DNAH5: variants seen among roughly 807,000 people sequenced by gnomAD.
The protein encoded by DNAH5 is axonemal beta dynein heavy chain 5.
A neutral mutation model predicts 518.2 loss-of-function variants in DNAH5; 372 were observed. The observed-to-expected ratio is 0.72, with a 90% CI of 0.66 to 0.78. The LOEUF (loss-of-function observed/expected upper bound fraction) is 0.78. Among genes scored for constraint, DNAH5 ranks in the 30% least tolerant of loss-of-function variants. DNAH5 has a pLI of 0.00. For missense variants in DNAH5, 5,523 were observed against 5,687.0 expected (o/e 0.97, Z 0.93); for synonymous variants, 2,039 against 2,025.9 (o/e 1.01, Z -0.17).
intron 24 of DNAH5, among the ~76,000 whole-genome samples, chr5:13,869,752 G>A (rs944566512): frequency 7.2e-5 from 11 of 151,874 alleles, no homozygotes; most frequent in Admixed American, 4.6e-4. Context: ...TTATACAATC[G>A]TTTTGTGTTT....
At chr5:13,994,853 G>A (rs1783821986) in intron 1 of DNAH5, among the ~76,000 whole-genome samples, 3 of 152,080 alleles carry the variant, frequency 2.0e-5, no homozygotes, top group East Asian at 3.9e-4. Context: ...CTAGCTGTTC[G>A]CCTGCTTAGG....
rs370235912 is a variant in DNAH5 at position 13,862,766 on chromosome 5, C to G, written c.4597-19G>C. ...AGATGTCCTATCAAAATGGCAAGCT[C>G]TCATGTTATTGCATGAAAGTCACAC... On this transcript the variant is annotated intron_variant, in intron 28 of 78. Coordinates refer to ENST00000265104, the MANE Select transcript of DNAH5 (RefSeq NM_001369.3). 31 of 1,603,098 alleles carry G rather than the reference C, an allele frequency of 1.9e-5. No homozygotes were observed. The highest frequency in any genetic ancestry group is 2.6e-5 in the Non-Finnish European group (31 of 1,172,338).
chr5:13,926,629 A>AT (rs1485222018), intron 3 of DNAH5, among the ~76,000 whole-genome samples: 2 of 152,176 alleles, frequency 1.3e-5, no homozygotes, highest in African/African-American at 2.4e-5. Context: ...TGACTATAGA[A>AT]TTTTTTGTAA....
intron 12 of DNAH5, among the ~76,000 whole-genome samples, chr5:13,902,870 C>G (rs1213760253): frequency 6.6e-6 from 1 of 152,152 alleles, no homozygotes; most frequent in Non-Finnish European, 1.5e-5. Flanking sequence ...TCAAGAAAAG[C>G]CACTCTACAG....
intron 1 of DNAH5, among the ~76,000 whole-genome samples, chr5:13,981,594 G>A (rs1180735536): frequency 6.6e-6 from 1 of 152,160 alleles, no homozygotes; most frequent in Non-Finnish European, 1.5e-5. Flanking sequence ...CATCTTCCAA[G>A]CAGTTGCTGT....
At chr5:13,907,981 G>C (rs1250019841) in intron 12 of DNAH5, among the ~76,000 whole-genome samples, 1 of 152,130 alleles carries the variant, frequency 6.6e-6, no homozygotes. Flanking sequence ...TGTTAGGTCA[G>C]AAGTAATATG....
At chr5:13,900,113 T>G (rs909542395) in intron 15 of DNAH5, 93 bp downstream of exon 15, 16 of 1,193,012 alleles carry the variant, frequency 1.3e-5, no homozygotes, top group Non-Finnish European at 2.4e-6. Context: ...TCCTGGCCAC[T>G]TTCTGCTCCT....
intron 1 of DNAH5, among the ~76,000 whole-genome samples, chr5:13,999,954 G>A (rs1163913655): frequency 6.6e-6 from 1 of 152,114 alleles, no homozygotes; most frequent in African/African-American, 2.4e-5. Flanking sequence ...AATTTATCAT[G>A]TGTTTTAAAG....
intron 3 of DNAH5, among the ~76,000 whole-genome samples, chr5:13,924,373 T>A (rs1777633927): frequency 6.6e-6 from 1 of 151,988 alleles, no homozygotes; most frequent in Admixed American, 6.6e-5. Flanking sequence ...CATATTCACA[T>A]CTTAAAAATG....
intron 1 of DNAH5, among the ~76,000 whole-genome samples, chr5:13,938,372 G>A (rs939232178): frequency 6.6e-6 from 1 of 152,074 alleles, no homozygotes; most frequent in African/African-American, 2.4e-5. Context: ...CACATGAAGG[G>A]TAGATACAGT....
At chr5:13,722,624 G>A (rs1374162993) in intron 70 of DNAH5, among the ~76,000 whole-genome samples, 1 of 152,192 alleles carries the variant, frequency 6.6e-6, no homozygotes, top group East Asian at 1.9e-4. Flanking sequence ...ATATAGCCAG[G>A]TAAAGAGTGT....
In DNAH5 at chr5:13,691,866, G is replaced by T; in HGVS notation, c.*118C>A. The T allele has an allele frequency of 8.1e-7, 1 of 1,233,508 alleles. No individual in the cohort carries two copies. 76.4% of individuals were successfully genotyped at this position (1,233,508 alleles called of 1,614,324 possible). A position where few individuals can be genotyped will look rare whatever the true frequency, so the allele number is the denominator to read the frequency against. On this transcript the variant is annotated 3_prime_UTR_variant, in exon 79 of 79. Coordinates refer to ENST00000265104, the MANE Select transcript of DNAH5 (RefSeq NM_001369.3). Reference sequence around the variant, plus strand: ...TTAAGGAGTGGGGAAAACCTATGCAGCTCATTAATTGCATAAACGACCTAA... The same window carrying T: ...TTAAGGAGTGGGGAAAACCTATGCATCTCATTAATTGCATAAACGACCTAA...
In DNAH5 at chr5:13,714,466, A is replaced by G. The variant is rs757757096; in HGVS notation, c.13064T>C (p.Val4355Ala). The change falls in exon 75 of 79, where the codon GTG (valine) becomes GCG (alanine). Residue 4355 changes from valine (V) to alanine (A), a missense_variant. By Grantham distance (64) the Val-to-Ala change is moderately conservative. Around this residue, in one of 3 missense-constraint regions of DNAH5, gnomAD observed 387 missense variants for 430.0 expected, o/e 0.90. Coordinates refer to ENST00000265104, the MANE Select transcript of DNAH5 (RefSeq NM_001369.3). The stretch of plus-strand genomic sequence containing the variant: ...CATATCATCAGCCAGCCGGGCCACC[A>G]CCGCCTCCCGGGTCTCATCCCCTCC... ...SGGGDETREA[V>A]VARLADDMLE... 6.2e-6 allele frequency: 10 copies of G among 1,613,998 alleles called. No homozygotes were observed. Among genetic ancestry groups the G allele is most frequent in the Non-Finnish European group, 8.5e-7 (1 of 1,180,004 alleles).
At chr5:13,843,406 C>T (rs1765545532) in intron 32 of DNAH5, among the ~76,000 whole-genome samples, 1 of 152,128 alleles carries the variant, frequency 6.6e-6, no homozygotes, top group African/African-American at 2.4e-5. Context: ...TCCTGCCCAT[C>T]CCCCTTCTCT....
At chr5:13,999,902 C>T (rs138910126) in intron 1 of DNAH5, among the ~76,000 whole-genome samples, 2 of 152,238 alleles carry the variant, frequency 1.3e-5, no homozygotes, top group East Asian at 1.9e-4. Flanking sequence ...GACAGGTGTG[C>T]GGTAACACCT....
intron 1 of DNAH5, among the ~76,000 whole-genome samples, chr5:13,958,172 C>T (rs971722775): frequency 4.0e-5 from 6 of 151,310 alleles, no homozygotes; most frequent in Non-Finnish European, 8.9e-5. Context: ...AATGGATATC[C>T]CTGCATACAA....
chr5:13,961,859 C>G (rs1206016752), intron 1 of DNAH5, among the ~76,000 whole-genome samples: 1 of 152,110 alleles, frequency 6.6e-6, no homozygotes, highest in East Asian at 1.9e-4. Flanking sequence ...ATACTCTCTC[C>G]TGATCTGGGT....
rs758841490 is a variant in DNAH5 at position 13,876,722 on chromosome 5, C to T, written c.3358G>A (p.Val1120Ile). 5.0e-6 allele frequency: 8 copies of T among 1,613,908 alleles called. No individual in the cohort carries two copies. The South Asian group carries it at 7.7e-5, about 16-fold the overall frequency. Residue 1120 changes from valine (V) to isoleucine (I), a missense_variant, in exon 22 of 79, where the codon GTT becomes ATT. By Grantham distance (29) the Val-to-Ile change is conservative. This residue lies in a region of DNAH5 where 5,121 missense variants were observed against 5,223.3 expected (regional missense o/e 0.98). Transcript: ENST00000265104. ...TTGATAATTGTGCTAAGCACAGAAA[C>T]TAATTTTACAATCTCTTTGTTTTCA... ...VSENKEIVKL[V>I]SVLSTIINST...
chr5:13,739,328 C>G (rs542457186), intron 65 of DNAH5, among the ~76,000 whole-genome samples: 25 of 152,230 alleles, frequency 1.6e-4, no homozygotes, highest in Admixed American at 1.4e-3. Context: ...TGAGTGAATT[C>G]TCACAAGATC....
Sources: gnomAD v4.1 joint callset for allele counts (sites outside exome capture counted in the v4.1 genomes callset) on GRCh38, gnomAD v4.1.1 for gene constraint, gnomAD v4.1.1 regional missense constraint, MANE v1.5 for transcripts, NCBI Gene and HGNC (gene_info 2026-07-23, HGNC 2026-07-21) for gene names.